CEP89: variants seen among roughly 807,000 people sequenced by gnomAD.
CEP89 encodes the protein centrosomal protein 89.
Under a neutral mutation model 97.6 loss-of-function variants are expected in CEP89, and 95 were observed. The observed-to-expected ratio is 0.97, with a 90% confidence interval of 0.82 to 1.15. CEP89 has a LOEUF of 1.15. CEP89 is among the 50% of genes most tolerant of loss of function. The pLI is 0.00. For missense variants in CEP89, 869 were observed against 947.7 expected (o/e 0.92, Z 1.09); for synonymous variants, 354 against 349.1 (o/e 1.01, Z -0.16).
At chr19:32,915,098 A>G (rs1447095554) in intron 14 of CEP89, among the ~76,000 whole-genome samples, 4 of 152,062 alleles carry the variant, frequency 2.6e-5, no homozygotes, top group Admixed American at 6.5e-5. Context: ...AGAAACCCAG[A>G]AAGAACTGAG....
chr19:32,913,129 T>C, intron 14 of CEP89, among the ~76,000 whole-genome samples: 1 of 148,100 alleles, frequency 6.8e-6, no homozygotes, highest in Non-Finnish European at 1.5e-5. Context: ...TATATAATTA[T>C]ACAAAATATT....
At chr19:32,949,276 C>T (rs1395994143) in intron 4 of CEP89, among the ~76,000 whole-genome samples, 1 of 152,142 alleles carries the variant, frequency 6.6e-6, no homozygotes, top group African/African-American at 2.4e-5. Flanking sequence ...GGCCCATGGG[C>T]CAGGAATGGG....
chr19:32,922,718 C>T (rs578061734), intron 12 of CEP89, among the ~76,000 whole-genome samples: 50 of 151,756 alleles, frequency 3.3e-4, no homozygotes, highest in Non-Finnish European at 5.2e-4. Flanking sequence ...TGTGGTGGCA[C>T]GTGCCTGTAA....
intron 14 of CEP89, among the ~76,000 whole-genome samples, chr19:32,908,261 AT>A (rs1218874847): frequency 6.6e-6 from 1 of 152,270 alleles, no homozygotes; most frequent in Non-Finnish European, 1.5e-5. Flanking sequence ...AGAAATGACC[AT>A]TTTAAAATAA....
intron 5 of CEP89, among the ~76,000 whole-genome samples, chr19:32,944,479 C>T (rs1242774243): frequency 6.6e-6 from 1 of 152,090 alleles, no homozygotes; most frequent in Non-Finnish European, 1.5e-5. Flanking sequence ...TGGTATGCTC[C>T]TGAGACATCA....
intron 14 of CEP89, among the ~76,000 whole-genome samples, chr19:32,913,503 T>TA (rs1288697267): frequency 6.6e-6 from 1 of 152,012 alleles, no homozygotes; most frequent in African/African-American, 2.4e-5. Context: ...CATTTATACA[T>TA]ACATACTAGA....
chr19:32,903,705 A>G (rs1168981541), intron 14 of CEP89, among the ~76,000 whole-genome samples: 1 of 152,240 alleles, frequency 6.6e-6, no homozygotes, highest in East Asian at 1.9e-4. Context: ...GTGGGCTAAA[A>G]GTGAACAGAA....
In CEP89 at chr19:32,971,898, C is replaced by T. The variant is rs1487803415; in HGVS notation, c.-24G>A. On this transcript the variant is annotated 5_prime_UTR_variant, in exon 1 of 19. Coordinates refer to ENST00000305768, the MANE Select transcript of CEP89 (RefSeq NM_032816.5). ...ATCCTTGCAGCGCGAGGAGAATGGA[C>T]CGGGGCCTGGACTCATCAGCAGATC... The T allele has an allele frequency of 4.4e-6, 7 of 1,578,686 alleles. No individual in the cohort carries two copies. Among genetic ancestry groups the T allele is most frequent in the Non-Finnish European group, 6.0e-6 (7 of 1,160,798 alleles).
Position 32,933,437 on chromosome 19 carries a change from C to A in CEP89, c.886+14G>T. On this transcript the variant is annotated intron_variant, in intron 8 of 18. Transcript: ENST00000305768. Reference sequence around the variant, plus strand: ...TGCTCATTCCTCTAATAAAGGCACTCTGTCTGTCCCCACCTTCCTGTGACG... The same window carrying A: ...TGCTCATTCCTCTAATAAAGGCACTATGTCTGTCCCCACCTTCCTGTGACG... 1 of 1,594,762 alleles carries A rather than the reference C, an allele frequency of 6.3e-7. No homozygotes were observed. The highest frequency in any genetic ancestry group is 1.1e-5 in the South Asian group (1 of 89,470).
chr19:32,900,246 A>ATTTTTTTTT, intron 15 of CEP89, among the ~76,000 whole-genome samples: 1 of 133,970 alleles, frequency 7.5e-6, no homozygotes, highest in Non-Finnish European at 1.6e-5. Flanking sequence ...GAATAGGTTC[A>ATTTTTTTTT]TTTTTTTTTT....
At chr19:32,953,145 C>T (rs1478518602) in intron 4 of CEP89, among the ~76,000 whole-genome samples, 1 of 150,678 alleles carries the variant, frequency 6.6e-6, no homozygotes, top group Non-Finnish European at 1.5e-5. Context: ...GAAGGGAATT[C>T]CTCAGCGAGT....
At chr19:32,950,573 A>G (rs1367337406) in intron 4 of CEP89, among the ~76,000 whole-genome samples, 1 of 152,226 alleles carries the variant, frequency 6.6e-6, no homozygotes, top group Non-Finnish European at 1.5e-5. Flanking sequence ...ACCCCCACAA[A>G]AAAAGCATTA....
rs10412567 is a variant in CEP89 at position 32,953,862 on chromosome 19, A to G, written c.306-61T>C. ...AGTCACTTAACACTTGACACTGATA[A>G]ATATCTTTTTTTTTTTTTTTTTTTG... On this transcript the variant is annotated intron_variant, in intron 3 of 18. Coordinates refer to ENST00000305768, the MANE Select transcript of CEP89 (RefSeq NM_032816.5). 10,743 of 1,094,818 alleles carry G rather than the reference A, an allele frequency of 9.8e-3. 834 individuals carry two copies. In the African/African-American group the frequency reaches 0.16, roughly 17 times the overall value. The allele number at this position is 1,094,818 out of a possible 1,614,324, so 67.8% of individuals were successfully genotyped here. A position where few individuals can be genotyped will look rare whatever the true frequency, so the allele number is the denominator to read the frequency against.
chr19:32,887,920 T>C lies in CEP89; in HGVS notation c.1876-79A>G. 3.8e-6 allele frequency: 3 copies of C among 791,372 alleles called. 1 individual carries two copies. The South Asian group carries it at 4.6e-5, about 12-fold the overall frequency. 49.0% of individuals were successfully genotyped at this position (791,372 alleles called of 1,614,324 possible). On this transcript the variant is annotated intron_variant, in intron 16 of 18. Transcript: ENST00000305768. ...CAAACAATTATTTTGCAAAGAGTGT[T>C]ACTGCTACTGCTCACAATCTTCATT...
At chr19:32,956,413 AG>A (rs1971050778) in intron 3 of CEP89, among the ~76,000 whole-genome samples, 1 of 149,608 alleles carries the variant, frequency 6.7e-6, no homozygotes, top group Non-Finnish European at 1.5e-5. Context: ...TCTGTCATCC[AG>A]GGTGGAGTGA....
At chr19:32,916,179 GAGGCAGGAGGACT>G (rs1169870279) in intron 13 of CEP89, among the ~76,000 whole-genome samples, 1 of 152,050 alleles carries the variant, frequency 6.6e-6, no homozygotes, top group East Asian at 1.9e-4. Context: ...CCGGGAGGCT[GAGGCAGGAGGACT>G]GCTTGAGCCC....
At chr19:32,890,298 G>A (rs1483785796) in intron 16 of CEP89, among the ~76,000 whole-genome samples, 1 of 152,136 alleles carries the variant, frequency 6.6e-6, no homozygotes, top group Admixed American at 6.5e-5. Context: ...TACTCAGGAG[G>A]CTGAGGCAGG....
intron 2 of CEP89, among the ~76,000 whole-genome samples, chr19:32,960,806 T>A (rs1446622749): frequency 9.3e-6 from 1 of 107,088 alleles, no homozygotes; most frequent in African/African-American, 3.8e-5. Context: ...CAAGTCTCCA[T>A]CTCAAAAAAA....
chr19:32,896,038 T>C (rs879170838), intron 16 of CEP89, among the ~76,000 whole-genome samples: 2 of 151,960 alleles, frequency 1.3e-5, no homozygotes, highest in Admixed American at 1.3e-4. Flanking sequence ...ATGACCAGAC[T>C]CCCCAAAGCA....
Sources: gnomAD v4.1 joint callset for allele counts (sites outside exome capture counted in the v4.1 genomes callset) on GRCh38, gnomAD v4.1.1 for gene constraint, MANE v1.5 for transcripts, NCBI Gene and HGNC (gene_info 2026-07-23, HGNC 2026-07-21) for gene names.